ZNF616: variants seen among roughly 807,000 people sequenced by gnomAD.
ZNF616 encodes the protein zinc finger protein 616.
ZNF616 carries 5 observed loss-of-function variants against 7.6 expected under a neutral mutation model. The ratio of observed to expected loss-of-function variants is 0.66; its 90% CI spans 0.34 to 1.38. ZNF616 has a LOEUF of 1.38. Ranked by LOEUF, ZNF616 falls within the 40% of genes most tolerant of loss-of-function variation. ZNF616 has a pLI of 0.04. For synonymous variants in ZNF616, 319 were observed against 317.2 expected (o/e 1.01, Z -0.06); for missense variants, 913 against 948.3 (o/e 0.96, Z 0.49).
intron 2 of ZNF616, 132 bp from the exon 3 acceptor site, chr19:52,124,181 A>G: frequency 8.7e-7 from 1 of 1,146,002 alleles, no homozygotes; most frequent in Non-Finnish European, 1.2e-6. Context: ...TGAGAAAGTT[A>G]TTGGTCCCTA....
In ZNF616 at chr19:52,114,782, G is replaced by C. The variant is rs1166702423; in HGVS notation, c.*36C>G. 4 of 1,530,140 alleles carry C rather than the reference G, an allele frequency of 2.6e-6. No individual in the cohort carries two copies. Among genetic ancestry groups the C allele is most frequent in the Non-Finnish European group, 3.5e-6 (4 of 1,143,588 alleles). The allele number at this position is 1,530,140 out of a possible 1,614,324, so 94.8% of individuals were successfully genotyped here. On this transcript the variant is annotated 3_prime_UTR_variant, in exon 4 of 4. Coordinates refer to ENST00000600228, the MANE Select transcript of ZNF616 (RefSeq NM_178523.5). The stretch of plus-strand genomic sequence containing the variant: ...AATATACAAGGTATATCAGTAAGTA[G>C]GAATTATTCGGTGATTCCAGAAACT...
At chr19:52,134,922 T>C (rs1250511399) in intron 1 of ZNF616, among the ~76,000 whole-genome samples, 1 of 151,896 alleles carries the variant, frequency 6.6e-6, no homozygotes, top group Non-Finnish European at 1.5e-5. Context: ...CAGACAGAGG[T>C]GGGGGGAAAG....
rs114965195 is a variant in ZNF616 at position 52,116,824 on chromosome 19, G to C, written c.340C>G (p.Pro114Ala). 22 of 1,613,640 alleles carry C rather than the reference G, an allele frequency of 1.4e-5. No individual in the cohort carries two copies. In the Admixed American group the frequency reaches 3.7e-4, roughly 27 times the overall value. The change falls in exon 4 of 4, where the codon CCC (proline) becomes GCC (alanine). Residue 114 changes from proline to alanine, a missense_variant. By Grantham distance (27) the Pro-to-Ala change is conservative. Transcript: ENST00000600228. Reference sequence around the variant, plus strand: ...TTACCAGTAAGATTGTTTTCATGGGGCACTGGCACTTCTTTATCATTTGTT... The same window carrying C: ...TTACCAGTAAGATTGTTTTCATGGGCCACTGGCACTTCTTTATCATTTGTT... ...GETNDKEVPV[P>A]HENNLTGKRD...
At position 52,115,100 on chromosome 19, in the gene ZNF616, T is replaced by C. The variant is rs1449338781; in HGVS notation, c.2064A>G (p.Pro688=). ...CCTTGCCACATTCATCACATTTATATGGTTTCTTTCCTGCATGAATTATCT... is the reference window on the plus strand; with the variant it reads ...CCTTGCCACATTCATCACATTTATACGGTTTCTTTCCTGCATGAATTATCT... The part of the protein sequence containing the change: ...AHQIIHAGKK[P]YKCDECGKVF... The change falls in exon 4 of 4, where the codon CCA becomes CCG. Residue 688 remains proline (P), a synonymous_variant. Coordinates refer to ENST00000600228, the MANE Select transcript of ZNF616 (RefSeq NM_178523.5). 1.4e-5 allele frequency: 22 copies of C among 1,613,438 alleles called. No individual in the cohort carries two copies. The highest frequency in any genetic ancestry group is 1.9e-5 in the Non-Finnish European group (22 of 1,179,776).
At position 52,116,569 on chromosome 19, in the gene ZNF616, T is replaced by C; in HGVS notation, c.595A>G (p.Ser199Gly). The change falls in exon 4 of 4, where the codon AGC (serine) becomes GGC (glycine). Residue 199 changes from serine (S) to glycine (G), a missense_variant. By Grantham distance (56) the Ser-to-Gly change is moderately conservative. Coordinates refer to ENST00000600228, the MANE Select transcript of ZNF616 (RefSeq NM_178523.5). ...TGTATCCTCTGATGATTAATAAGGCTGGAAGACGCTTTAAAGGCTTTGCCA... is the reference window on the plus strand; with the variant it reads ...TGTATCCTCTGATGATTAATAAGGCCGGAAGACGCTTTAAAGGCTTTGCCA... ...ECGKAFKASSSLINHQRIHTT... is the reference protein window; with the variant it reads ...ECGKAFKASSGLINHQRIHTT... The C allele has an allele frequency of 6.2e-7, 1 of 1,614,120 alleles. No individual in the cohort carries two copies.
rs1345145846 is a variant in ZNF616, at chr19:52,124,016, A to T, written c.46T>A (p.Phe16Ile). Residue 16 changes from phenylalanine (F) to isoleucine (I), a missense_variant, in exon 3 of 4, where the codon TTC becomes ATC. Transcript: ENST00000600228. ...HLTFKDVAIEFSQEEWKCLEP... is the reference protein window; with the variant it reads ...HLTFKDVAIEISQEEWKCLEP... ...AGGCATTTCCACTCCTCCTGAGAGA[A>T]TTCTATGGCTACATCCTTGAATGTC... 2 of 1,612,308 alleles carry T rather than the reference A, an allele frequency of 1.2e-6. No individual in the cohort carries two copies. Among genetic ancestry groups the T allele is most frequent in the Non-Finnish European group, 1.7e-6 (2 of 1,179,582 alleles).
At chr19:52,118,448 C>T (rs1049965667) in intron 3 of ZNF616, among the ~76,000 whole-genome samples, 2 of 152,160 alleles carry the variant, frequency 1.3e-5, no homozygotes, top group Non-Finnish European at 2.9e-5. Context: ...ATGTTGAGGA[C>T]CCAATCCTCA....
intron 1 of ZNF616, among the ~76,000 whole-genome samples, chr19:52,133,913 G>A (rs8113190): frequency 0.21 from 32,025 of 151,932 alleles, 3,713 homozygotes; most frequent in East Asian, 0.28. Context: ...GTGTGTTGTT[G>A]CCCTCTACGT....
chr19:52,125,062 G>A (rs2088894275), intron 2 of ZNF616, among the ~76,000 whole-genome samples: 1 of 152,154 alleles, frequency 6.6e-6, no homozygotes, highest in Non-Finnish European at 1.5e-5. Context: ...ATTGGGCATT[G>A]GAGATTAAGT....
intron 1 of ZNF616, among the ~76,000 whole-genome samples, chr19:52,135,851 G>A (rs1030291713): frequency 2.0e-5 from 3 of 152,118 alleles, no homozygotes; most frequent in African/African-American, 2.4e-5. Flanking sequence ...ATGTTGGGCC[G>A]GGCACAGTGG....
At chr19:52,119,234 G>A (rs1384021481) in intron 3 of ZNF616, among the ~76,000 whole-genome samples, 1 of 152,062 alleles carries the variant, frequency 6.6e-6, no homozygotes, top group African/African-American at 2.4e-5. Flanking sequence ...AAAATTAGCT[G>A]GGTGTGGGGG....
intron 1 of ZNF616, among the ~76,000 whole-genome samples, chr19:52,135,642 G>C (rs1190136407): frequency 6.6e-6 from 1 of 152,152 alleles, no homozygotes; most frequent in Admixed American, 6.5e-5. Flanking sequence ...CTCAGCTTAG[G>C]ACTTGCTCCT....
chr19:52,137,053 G>GTATATATATATATATA (rs35226169), intron 1 of ZNF616, among the ~76,000 whole-genome samples: 240 of 143,724 alleles, frequency 1.7e-3, no homozygotes, highest in African/African-American at 2.9e-3. Flanking sequence ...TTATGTATGT[G>GTATATATATATATATA]TATATATATA....
chr19:52,115,740 C>T lies in ZNF616; in HGVS notation c.1424G>A (p.Ser475Asn), dbSNP rs752812552. Residue 475 changes from serine (S) to asparagine (N), a missense_variant, in exon 4 of 4, where the codon AGC (serine) becomes AAC (asparagine). Physicochemically the swap from Ser to Asn is conservative, Grantham distance 46. Transcript: ENST00000600228. The part of the protein sequence containing the change: ...YKCNECGKVF[S>N]IHSRLAAHQR... ...ATGAGCTGCAAGTCGTGAATGTATGCTGAAAACTTTGCCACATTCATTGCA... is the reference window on the plus strand; with the variant it reads ...ATGAGCTGCAAGTCGTGAATGTATGTTGAAAACTTTGCCACATTCATTGCA... The T allele has an allele frequency of 6.2e-7, 1 of 1,614,018 alleles. No homozygotes were observed. Among genetic ancestry groups the T allele is most frequent in the Non-Finnish European group, 8.5e-7 (1 of 1,180,028 alleles).
intron 1 of ZNF616, among the ~76,000 whole-genome samples, chr19:52,133,732 C>T (rs1206346811): frequency 6.6e-6 from 1 of 152,070 alleles, no homozygotes. Context: ...AGGCTGGTTG[C>T]GAACTCCAGA....
In ZNF616 at chr19:52,116,747, C is replaced by G; in HGVS notation, c.417G>C (p.Gln139His). Reference protein sequence around the residue: ...GDVENNHIENQLTSNFESRLA... With the variant: ...GDVENNHIENHLTSNFESRLA... ...GACGTGACTCAAAGTTTGATGTAAG[C>G]TGGTTTTCAATATGATTGTTTTCTA... Residue 139 changes from glutamine (Q) to histidine (H), a missense_variant, in exon 4 of 4, where the codon CAG becomes CAC. By Grantham distance (24) the Gln-to-His change is conservative (BLOSUM62 0). Transcript: ENST00000600228. 5 of 1,614,114 alleles carry G rather than the reference C, an allele frequency of 3.1e-6. No individual in the cohort carries two copies. The highest frequency in any genetic ancestry group is 4.2e-6 in the Non-Finnish European group (5 of 1,180,024).
chr19:52,137,141 G>A lies in ZNF616; in HGVS notation c.-77+2591C>T, dbSNP rs180851380. ...CAACCATAAAAAAGAAAATCCTGCC[G>A]GGCACAGTGGCTCACGCCTGTAATC... On this transcript the variant is annotated intron_variant, in intron 1 of 3. Transcript: ENST00000600228. 3.1e-3 allele frequency among the ~76,000 whole-genome samples: 469 copies of A among 151,144 alleles called. 1 individual carries two copies. The highest frequency in any genetic ancestry group is 0.011 in the African/African-American group (444 of 41,208).
intron 2 of ZNF616, among the ~76,000 whole-genome samples, chr19:52,130,273 C>T (rs1476262921): frequency 6.6e-6 from 1 of 152,146 alleles, no homozygotes; most frequent in Admixed American, 6.6e-5. Context: ...CAGGACCATG[C>T]CCAGTGCAGC....
At chr19:52,135,323 T>C (rs1043115949) in intron 1 of ZNF616, among the ~76,000 whole-genome samples, 1 of 152,102 alleles carries the variant, frequency 6.6e-6, no homozygotes, top group Non-Finnish European at 1.5e-5. Context: ...CTCGATTCCA[T>C]TCATAATGAC....
Sources: gnomAD v4.1 joint callset for allele counts (sites outside exome capture counted in the v4.1 genomes callset) on GRCh38, gnomAD v4.1.1 for gene constraint, MANE v1.5 for transcripts, NCBI Gene and HGNC (gene_info 2026-07-23, HGNC 2026-07-21) for gene names.